Variants in ROBO1 observed in about 807,000 individuals in gnomAD.
The protein encoded by ROBO1 is roundabout guidance receptor 1, also known as roundabout homolog 1.
In ROBO1, 149 loss-of-function variants were observed where a neutral mutation model predicts 195.9. The observed-to-expected ratio is 0.76, with a 90% CI of 0.67 to 0.87. The LOEUF is 0.87. ROBO1 is among the 40% of genes least tolerant of loss of function. The pLI is 0.00. For synonymous variants in ROBO1, 816 were observed against 733.2 expected (o/e 1.11, Z -1.82); for missense variants, 1,933 against 2,068.3 (o/e 0.93, Z 1.27).
In ROBO1 at chr3:79,094,301, G is replaced by T. The variant is rs117849234; in HGVS notation, c.172+31155C>A. On this transcript the variant is annotated intron_variant, in intron 3 of 30. Transcript: ENST00000464233. ...TTGAATAAAGATCAAATAAGGTAAG[G>T]AAGATAGAAGAATGTCTAATGAATT... is the stretch of plus-strand genomic sequence containing the variant. Among the ~76,000 whole-genome samples, 177 of 152,218 alleles carry T rather than the reference G, an allele frequency of 1.2e-3. No individual in the cohort carries two copies. In the East Asian group the frequency reaches 0.023, roughly 20 times the overall value.
chr3:79,194,819 G>C (rs561057292), intron 2 of ROBO1, among the ~76,000 whole-genome samples: 1 of 151,604 alleles, frequency 6.6e-6, no homozygotes, highest in Non-Finnish European at 1.5e-5. Flanking sequence ...AGTATTTTAT[G>C]TGGCCCCATA....
intron 1 of ROBO1, among the ~76,000 whole-genome samples, chr3:79,625,171 A>T (rs1202744695): frequency 1.3e-5 from 2 of 151,990 alleles, no homozygotes; most frequent in African/African-American, 4.8e-5. Flanking sequence ...GCAACAATGT[A>T]CCAGAATCTC....
At chr3:78,619,051 A>C (rs2107410003) in intron 26 of ROBO1, among the ~76,000 whole-genome samples, 1 of 152,318 alleles carries the variant, frequency 6.6e-6, no homozygotes, top group East Asian at 1.9e-4. Context: ...GAGTGCCATC[A>C]AAAAAGGAAG....
intron 4 of ROBO1, among the ~76,000 whole-genome samples, chr3:78,797,091 C>A (rs1344789144): frequency 6.6e-6 from 1 of 152,134 alleles, no homozygotes; most frequent in Non-Finnish European, 1.5e-5. Flanking sequence ...GATTTTCTAA[C>A]TTTCTAAAAC....
At chr3:79,705,811 A>G (rs181967738) in intron 1 of ROBO1, among the ~76,000 whole-genome samples, 1 of 152,158 alleles carries the variant, frequency 6.6e-6, no homozygotes, top group East Asian at 1.9e-4. Flanking sequence ...ATTCATTAAC[A>G]TGGAATGTCA....
At chr3:78,874,462 T>G (rs1196554981) in intron 4 of ROBO1, among the ~76,000 whole-genome samples, 1 of 151,890 alleles carries the variant, frequency 6.6e-6, no homozygotes, top group East Asian at 1.9e-4. Context: ...CAAATGCTAA[T>G]GTATATAATA....
At chr3:79,455,072 T>C (rs538506654) in intron 2 of ROBO1, among the ~76,000 whole-genome samples, 1 of 152,110 alleles carries the variant, frequency 6.6e-6, no homozygotes, top group Admixed American at 6.5e-5. Context: ...TCTTATTACC[T>C]AATTGGTTAA....
At chr3:79,410,045 A>G (rs1295162425) in intron 2 of ROBO1, among the ~76,000 whole-genome samples, 2 of 152,164 alleles carry the variant, frequency 1.3e-5, no homozygotes, top group African/African-American at 4.8e-5. Context: ...TTCTCTGAGG[A>G]AGTTTTGTGC....
intron 1 of ROBO1, among the ~76,000 whole-genome samples, chr3:79,741,317 G>C (rs1052304634): frequency 3.3e-5 from 5 of 152,244 alleles, no homozygotes; most frequent in African/African-American, 1.2e-4. Context: ...TATTGTAATA[G>C]AGATGTGTTT....
intron 2 of ROBO1, among the ~76,000 whole-genome samples, chr3:79,503,980 A>C (rs1940257724): frequency 6.6e-6 from 1 of 152,190 alleles, no homozygotes; most frequent in Non-Finnish European, 1.5e-5. Context: ...CCTGGTTGAC[A>C]GAACTCCCAA....
At chr3:79,008,476 T>C (rs1370422521) in intron 3 of ROBO1, among the ~76,000 whole-genome samples, 2 of 152,076 alleles carry the variant, frequency 1.3e-5, no homozygotes, top group Non-Finnish European at 2.9e-5. Flanking sequence ...AAGCAATGGA[T>C]GTACTAAAAT....
intron 4 of ROBO1, among the ~76,000 whole-genome samples, chr3:78,766,450 T>G (rs981639751): frequency 1.3e-5 from 2 of 152,210 alleles, no homozygotes; most frequent in Non-Finnish European, 2.9e-5. Flanking sequence ...ACCTACTGAT[T>G]TGTGTACATT....
chr3:78,618,000 G>A lies in ROBO1; in HGVS notation c.3917C>T (p.Ser1306Phe). 1 of 1,613,814 alleles carries A rather than the reference G, an allele frequency of 6.2e-7. No homozygotes were observed. Among genetic ancestry groups the A allele is most frequent in the South Asian group, 1.1e-5 (1 of 91,064 alleles). ...VSPPPPPRPI[S>F]PPHTYGYISG... is the part of the protein sequence containing the mutation. The stretch of plus-strand genomic sequence containing the variant: ...AATGTAGCCATAGGTATGTGGAGGG[G>A]AGATCGGCCGTGGTGGTGGAGGAGG... Residue 1306 changes from serine (S) to phenylalanine (F), a missense_variant, in exon 27 of 31, where the codon TCC (serine) becomes TTC (phenylalanine). Physicochemically the swap from Ser to Phe is radical, Grantham distance 155. Coordinates refer to ENST00000464233, the MANE Select transcript of ROBO1 (RefSeq NM_002941.4).
chr3:78,946,377 T>A (rs331173), intron 3 of ROBO1, among the ~76,000 whole-genome samples: 2,923 of 152,266 alleles, frequency 0.019, 46 homozygotes, highest in Middle Eastern at 0.061. Context: ...TCAACATTCT[T>A]AAAGAAAAGA....
At chr3:79,447,504 G>A (rs747891642) in intron 2 of ROBO1, among the ~76,000 whole-genome samples, 44 of 152,140 alleles carry the variant, frequency 2.9e-4, no homozygotes, top group African/African-American at 9.7e-4. Context: ...GAGACTTAAC[G>A]AAACAAACTC....
At chr3:79,424,523 C>T (rs931306017) in intron 2 of ROBO1, among the ~76,000 whole-genome samples, 1 of 152,018 alleles carries the variant, frequency 6.6e-6, no homozygotes, top group East Asian at 1.9e-4. Flanking sequence ...CATTCAAAGG[C>T]TCACAATATG....
intron 2 of ROBO1, among the ~76,000 whole-genome samples, chr3:79,228,434 A>G (rs2082264590): frequency 6.6e-6 from 1 of 152,214 alleles, no homozygotes; most frequent in Admixed American, 6.5e-5. Context: ...GATAAGGACA[A>G]TAAAAATTTA....
intron 2 of ROBO1, among the ~76,000 whole-genome samples, chr3:79,355,285 T>C (rs949424974): frequency 1.3e-5 from 2 of 152,166 alleles, no homozygotes; most frequent in African/African-American, 4.8e-5. Flanking sequence ...TTTTTATTTA[T>C]AATGCAGCTG....
At chr3:79,422,386 A>C in intron 2 of ROBO1, among the ~76,000 whole-genome samples, 1 of 152,088 alleles carries the variant, frequency 6.6e-6, no homozygotes, top group South Asian at 2.1e-4. Context: ...TAGATTTCAG[A>C]CCATACATCC....
Sources: gnomAD v4.1 joint callset for allele counts (sites outside exome capture counted in the v4.1 genomes callset) on GRCh38, gnomAD v4.1.1 for gene constraint, MANE v1.5 for transcripts, NCBI Gene and HGNC (gene_info 2026-07-23, HGNC 2026-07-21) for gene names.